COMMD4: variants seen among roughly 807,000 people sequenced by gnomAD.
COMMD4 encodes COMM domain containing 4, also known as COMM domain-containing protein 4.
A neutral mutation model predicts 27.5 loss-of-function variants in COMMD4; 18 were observed. The ratio of observed to expected loss-of-function variants is 0.65; its 90% confidence interval spans 0.45 to 0.97. COMMD4 has a LOEUF of 0.97. Ranked by LOEUF, COMMD4 falls within the 50% of genes least tolerant of loss-of-function variation. The pLI, the probability that COMMD4 is intolerant of heterozygous loss-of-function variation, is 0.00. For missense variants in COMMD4, 243 were observed against 250.0 expected (o/e 0.97, Z 0.19); for synonymous variants, 108 against 108.4 (o/e 1.00, Z 0.02).
intron 5 of COMMD4, 65 bp from the exon 6 acceptor site, chr15:75,339,199 C>G: frequency 6.2e-7 from 1 of 1,612,012 alleles, no homozygotes; most frequent in South Asian, 1.1e-5. Flanking sequence ...CCTGCCCTGT[C>G]TGGGCCAGGA....
chr15:75,338,452 A>G (rs2071303569), intron 3 of COMMD4, 32 bp downstream of exon 3: 2 of 1,607,044 alleles, frequency 1.2e-6, no homozygotes, highest in Non-Finnish European at 1.7e-6. Flanking sequence ...CCATTGTCCC[A>G]TGACCTTATG....
chr15:75,342,278 C>G (rs1218039003), downstream of COMMD4: 1 of 151,650 alleles, frequency 6.6e-6, no homozygotes, highest in East Asian at 1.9e-4. Flanking sequence ...CAGTGGCTCA[C>G]GCCTGTAATC....
chr15:75,339,159 A>C, intron 5 of COMMD4, 55 bp downstream of exon 5: 1 of 1,612,236 alleles, frequency 6.2e-7, no homozygotes, highest in Non-Finnish European at 8.5e-7. Flanking sequence ...CTGCTAGAGA[A>C]GGGGACAGGC....
chr15:75,336,415 C>G (rs1595833188), intron 1 of COMMD4: 2 of 704,492 alleles, frequency 2.8e-6, no homozygotes, highest in African/African-American at 3.7e-5. Flanking sequence ...TTCCCCATCC[C>G]CAAGAGGACC....
At chr15:75,336,332 T>C in intron 1 of COMMD4, 1 of 1,375,678 alleles carries the variant, frequency 7.3e-7, no homozygotes, top group Non-Finnish European at 9.5e-7. Flanking sequence ...GGTGCTTCCC[T>C]GGCGGAAGGA....
downstream of COMMD4, chr15:75,341,445 ACTT>A (rs1355546416): frequency 1.3e-5 from 2 of 152,084 alleles, no homozygotes; most frequent in African/African-American, 4.8e-5. Flanking sequence ...CAAAAGAGAT[ACTT>A]ACTGACTCCA....
rs377591297 is a variant in COMMD4, at chr15:75,339,327, G to T, written c.365G>T (p.Arg122Leu). The change falls in exon 6 of 8, where the codon CGG becomes CTG. Residue 122 changes from arginine to leucine, a missense_variant. Physicochemically the swap from Arg to Leu is moderately radical, Grantham distance 102 (BLOSUM62 -2). Transcript: ENST00000267935. ...EKQSPLQKHLRVCSLRMNRLA... is the reference protein window; with the variant it reads ...EKQSPLQKHLLVCSLRMNRLA... Reference sequence around the variant, plus strand: ...CAAAGCCCCTTGCAGAAGCACTTGCGGGTCTGCAGCCTACGCAGTAAGTAT... The same window carrying T: ...CAAAGCCCCTTGCAGAAGCACTTGCTGGTCTGCAGCCTACGCAGTAAGTAT... 6.2e-7 allele frequency: 1 copy of T among 1,611,668 alleles called. No homozygotes were observed. The highest frequency in any genetic ancestry group is 8.5e-7 in the Non-Finnish European group (1 of 1,179,768).
rs1023967434 is a variant in COMMD4, at chr15:75,340,116, C to T, written c.*111C>T. 32 of 1,286,544 alleles carry T rather than the reference C, an allele frequency of 2.5e-5. No homozygotes were observed. Among genetic ancestry groups the T allele is most frequent in the Admixed American group, 1.1e-4 (5 of 44,458 alleles). The allele number at this position is 1,286,544 out of a possible 1,614,324, so 79.7% of individuals were successfully genotyped here. The stretch of plus-strand genomic sequence containing the variant: ...GTTCTAGGATGCTGAGGCCCTGGCC[C>T]GGACTCTGGCCTCCCAGATCCCCAG... On this transcript the variant is annotated 3_prime_UTR_variant, in exon 8 of 8. Coordinates refer to ENST00000267935, the MANE Select transcript of COMMD4 (RefSeq NM_017828.5).
At chr15:75,338,275 G>A in intron 2 of COMMD4, 80 bp from the exon 3 acceptor site, 1 of 1,460,524 alleles carries the variant, frequency 6.8e-7, no homozygotes, top group South Asian at 1.2e-5. Context: ...CTTGATCAGT[G>A]GCTGGCCTGC....
At position 75,339,345 on chromosome 15, in the gene COMMD4, G is replaced by A; in HGVS notation, c.382+1G>A. ...CACTTGCGGGTCTGCAGCCTACGCA[G>A]TAAGTATGAGGCCAGCCAGGGTCCG... On this transcript the variant is annotated splice_donor_variant, in intron 6 of 7. Coordinates refer to ENST00000267935, the MANE Select transcript of COMMD4 (RefSeq NM_017828.5). LOFTEE classifies it high-confidence loss of function. 1.2e-6 allele frequency: 2 copies of A among 1,610,566 alleles called. No homozygotes were observed. Among genetic ancestry groups the A allele is most frequent in the Non-Finnish European group, 8.5e-7 (1 of 1,179,352 alleles).
In COMMD4 at chr15:75,339,688, A is replaced by C. The variant is rs777353053; in HGVS notation, c.383-14A>C. ...CCTGCTTTGATCCTGAGAGCCACCCACCCCATCTCACAGTGAATAGGTTGG... is the reference window on the plus strand; with the variant it reads ...CCTGCTTTGATCCTGAGAGCCACCCCCCCCATCTCACAGTGAATAGGTTGG... On this transcript the variant is annotated splice_polypyrimidine_tract_variant and intron_variant, in intron 6 of 7. Transcript: ENST00000267935. 4.5e-6 allele frequency: 7 copies of C among 1,565,364 alleles called. No homozygotes were observed. The East Asian group carries it at 6.8e-5, about 15-fold the overall frequency.
intron 4 of COMMD4, 59 bp from the exon 5 acceptor site, chr15:75,338,926 C>A: frequency 6.2e-7 from 1 of 1,613,344 alleles, no homozygotes; most frequent in Middle Eastern, 1.7e-4. Flanking sequence ...GTTAATAGGG[C>A]AACAGGGAGG....
chr15:75,340,767 G>A (rs916853285), downstream of COMMD4: 8 of 151,662 alleles, frequency 5.3e-5, no homozygotes, highest in African/African-American at 1.9e-4. Flanking sequence ...TGCCCGAGTA[G>A]GTGGGATTAC....
chr15:75,338,022 G>A (rs202150340), intron 1 of COMMD4, 40 bp from the exon 2 acceptor site: 2 of 1,558,082 alleles, frequency 1.3e-6, no homozygotes, highest in Non-Finnish European at 1.7e-6. Context: ...CACACCTCAG[G>A]CCTCCCTCCA....
Position 75,336,130 on chromosome 15 carries a change from G to A in COMMD4, c.3+38G>A. ...GGGCGAAGCGAGGCTTGGGCTGCTG[G>A]AGCGGGAATGAGGGGGCGCCAAGTG... On this transcript the variant is annotated intron_variant, in intron 1 of 7. Coordinates refer to ENST00000267935, the MANE Select transcript of COMMD4 (RefSeq NM_017828.5). The A allele has an allele frequency of 2.6e-6, 4 of 1,549,786 alleles. No homozygotes were observed. The African/African-American group carries it at 4.1e-5, about 16-fold the overall frequency.
chr15:75,336,082 T>C lies in COMMD4; in HGVS notation c.-8T>C, dbSNP rs751270022. 94 of 1,549,654 alleles carry C rather than the reference T, an allele frequency of 6.1e-5. No homozygotes were observed. Among genetic ancestry groups the C allele is most frequent in the Non-Finnish European group, 6.9e-5 (79 of 1,146,822 alleles). On this transcript the variant is annotated 5_prime_UTR_variant, in exon 1 of 8. Transcript: ENST00000267935. Reference sequence around the variant, plus strand: ...AAAGAAATTCCCGGGCCCTGGCTTCTTGGCGCGATGGTGAGGCACTAGGGG... The same window carrying C: ...AAAGAAATTCCCGGGCCCTGGCTTCCTGGCGCGATGGTGAGGCACTAGGGG...
chr15:75,337,972 C>A, intron 1 of COMMD4, 90 bp from the exon 2 acceptor site: 2 of 1,329,316 alleles, frequency 1.5e-6, no homozygotes, highest in South Asian at 1.3e-5. Context: ...GACCAGGGGT[C>A]CCTGGTGGGC....
rs943657558 is a variant in COMMD4, at chr15:75,338,349, T to G, written c.76-6T>G. 2 of 1,595,326 alleles carry G rather than the reference T, an allele frequency of 1.3e-6. No homozygotes were observed. The highest frequency in any genetic ancestry group is 2.7e-5 in the African/African-American group (2 of 74,640). ...AGCCTGGCTGATGTAAGGACTTCCC[T>G]TCCAGTCCTCTGTGAAGTTGCGGCT... is the stretch of plus-strand genomic sequence containing the variant. On this transcript the variant is annotated splice_region_variant and splice_polypyrimidine_tract_variant and intron_variant, in intron 2 of 7. Transcript: ENST00000267935.
chr15:75,336,734 G>A (rs1210312373), intron 1 of COMMD4: 1 of 153,738 alleles, frequency 6.5e-6, no homozygotes, highest in African/African-American at 2.4e-5. Flanking sequence ...ACTGCGCCTT[G>A]TGTGTAGTGC....
Sources: allele counts gnomAD v4.1 joint callset, GRCh38; gene constraint gnomAD v4.1.1; transcripts MANE v1.5; gene names NCBI Gene and HGNC (gene_info 2026-07-23, HGNC 2026-07-21).